The following NRG2 variants were observed in gnomAD, a reference collection of about 807,000 sequenced individuals.
The protein encoded by NRG2 is pro-neuregulin-2, membrane-bound isoform.
In NRG2, 27 loss-of-function variants were observed where a neutral mutation model predicts 73.9. The observed-to-expected ratio is 0.37, with a 90% CI of 0.27 to 0.50. NRG2 has a LOEUF of 0.50. NRG2 is among the 20% of genes least tolerant of loss of function. The probability of loss-of-function intolerance (pLI) is 0.96; values close to 1 mark genes in which losing one functional copy is unlikely to be tolerated. For synonymous variants in NRG2, 532 were observed against 541.0 expected (o/e 0.98, Z 0.23); for missense variants, 1,126 against 1,210.1 (o/e 0.93, Z 1.03).
chr5:139,915,912 T>C lies in NRG2; in HGVS notation c.701-28401A>G, dbSNP rs1038879042. Among the ~76,000 whole-genome samples the C allele has an allele frequency of 6.6e-6, 1 of 152,048 alleles. No individual in the cohort carries two copies. The highest frequency in any genetic ancestry group is 6.6e-5 in the Admixed American group (1 of 15,260). ...TGAATATTACATTTTGACTGACATGTAGGAAGTCATGGAGATAAGGCTAAA... is the reference window on the plus strand; with the variant it reads ...TGAATATTACATTTTGACTGACATGCAGGAAGTCATGGAGATAAGGCTAAA... On this transcript the variant is annotated intron_variant, in intron 1 of 9. Transcript: ENST00000361474. The surrounding 1 kb of genome is among the most constrained non-coding windows in gnomAD (Gnocchi z 4.0).
chr5:139,989,106 G>C (rs1285332690), intron 1 of NRG2, among the ~76,000 whole-genome samples: 2 of 152,002 alleles, frequency 1.3e-5, no homozygotes, highest in South Asian at 2.1e-4. Context: ...TGTACCATAA[G>C]AGCAGACTGT....
Position 140,043,233 on chromosome 5 carries a change from G to A in NRG2, c.-164C>T, listed in dbSNP as rs1762112931. ...CTAGGGCAGGGGGCAGGCGGCAAGC[G>A]GGCCGCGATGCGCAGCGCGGCGCAG... On this transcript the variant is annotated 5_prime_UTR_variant, in exon 1 of 10. Transcript: ENST00000361474. The surrounding 1 kb of genome is among the most constrained non-coding windows in gnomAD (Gnocchi z 6.7). 1 of 690,046 alleles carries A rather than the reference G, an allele frequency of 1.4e-6. No homozygotes were observed. The highest frequency in any genetic ancestry group is 2.3e-6 in the Non-Finnish European group (1 of 435,806). 42.7% of individuals were successfully genotyped at this position (690,046 alleles called of 1,614,324 possible).
At chr5:139,896,365 C>A (rs1391750175) in intron 1 of NRG2, among the ~76,000 whole-genome samples, 1 of 152,154 alleles carries the variant, frequency 6.6e-6, no homozygotes, top group Non-Finnish European at 1.5e-5. Flanking sequence ...CAGGAACAGG[C>A]TCATGTGCTC....
chr5:139,896,122 ACTGGCTT>A (rs150941483), intron 1 of NRG2, among the ~76,000 whole-genome samples: 3,270 of 152,252 alleles, frequency 0.021, 119 homozygotes, highest in African/African-American at 0.074. Context: ...TGCAGAAAAG[ACTGGCTT>A]CTCAAACTGG....
rs1047405132 is a variant in NRG2, at chr5:139,887,201, G to A, written c.872+139C>T. On this transcript the variant is annotated intron_variant, in intron 2 of 9. Coordinates refer to ENST00000361474, the MANE Select transcript of NRG2 (RefSeq NM_004883.3). The surrounding 1 kb of genome is among the most constrained non-coding windows in gnomAD (Gnocchi z 4.5). ...AGAAGGCTGGGAGTGGCAAGGAAGG[G>A]GAGTATGGAGAGGGGCTGGGACTGG... The A allele has an allele frequency of 1.0e-6, 1 of 964,610 alleles. No homozygotes were observed. The highest frequency in any genetic ancestry group is 2.4e-5 in the East Asian group (1 of 41,504). The allele number at this position is 964,610 out of a possible 1,614,324, so 59.8% of individuals were successfully genotyped here.
chr5:139,870,656 G>T lies in NRG2; in HGVS notation c.1112+1065C>A, dbSNP rs1762781343. Among the ~76,000 whole-genome samples the T allele has an allele frequency of 6.6e-6, 1 of 152,202 alleles. No homozygotes were observed. The highest frequency in any genetic ancestry group is 2.4e-5 in the African/African-American group (1 of 41,450). The stretch of plus-strand genomic sequence containing the variant: ...ATGCCATGGGAATGGGGCAGCTTTA[G>T]CAACTTGCCAGGGCTCTAGGCTTGG... On this transcript the variant is annotated intron_variant, in intron 4 of 9. Coordinates refer to ENST00000361474, the MANE Select transcript of NRG2 (RefSeq NM_004883.3). The surrounding 1 kb of genome is among the most constrained non-coding windows in gnomAD (Gnocchi z 4.4).
At position 140,026,622 on chromosome 5, in the gene NRG2, A is replaced by G. The variant is rs542326714; in HGVS notation, c.700+15748T>C. ...GTAAGATCTCTTCTCCAGAAAAAAA[A>G]GAAAAGAAAAGAAAAGAAAGAAAGA... On this transcript the variant is annotated intron_variant, in intron 1 of 9. Coordinates refer to ENST00000361474, the MANE Select transcript of NRG2 (RefSeq NM_004883.3). Among the ~76,000 whole-genome samples the G allele has an allele frequency of 3.9e-5, 6 of 152,242 alleles. No individual in the cohort carries two copies. The East Asian group carries it at 1.2e-3, about 29-fold the overall frequency.
intron 1 of NRG2, among the ~76,000 whole-genome samples, chr5:139,906,512 A>G (rs1466243364): frequency 6.6e-6 from 1 of 152,068 alleles, no homozygotes; most frequent in African/African-American, 2.4e-5. Flanking sequence ...CACATACTAT[A>G]CTAATCTCTC....
Position 140,042,691 on chromosome 5 carries a change from C to A in NRG2, c.379G>T (p.Ala127Ser), listed in dbSNP as rs866726781. Reference protein sequence around the residue: ...LKSVQDQAYKAPVVVEGKVQG... With the variant: ...LKSVQDQAYKSPVVVEGKVQG... ...ACCTTGCCCTCCACCACCACGGGTGCCTTGTACGCCTGGTCCTGCACTGAC... is the reference window on the plus strand; with the variant it reads ...ACCTTGCCCTCCACCACCACGGGTGACTTGTACGCCTGGTCCTGCACTGAC... Residue 127 changes from alanine to serine, a missense_variant, in exon 1 of 10, where the codon GCA becomes TCA. Transcript: ENST00000361474. The A allele has an allele frequency of 1.1e-5, 17 of 1,582,286 alleles. No homozygotes were observed. Among genetic ancestry groups the A allele is most frequent in the Middle Eastern group, 1.7e-4 (1 of 6,052 alleles).
chr5:139,972,662 C>T (rs953509542), intron 1 of NRG2, among the ~76,000 whole-genome samples: 3 of 152,082 alleles, frequency 2.0e-5, no homozygotes, highest in Middle Eastern at 3.2e-3. Context: ...AGGCAGAGGT[C>T]ACAGTGAGCC....
chr5:139,954,005 G>A lies in NRG2; in HGVS notation c.701-66494C>T, dbSNP rs1034024102. 6.6e-6 allele frequency among the ~76,000 whole-genome samples: 1 copy of A among 152,114 alleles called. No individual in the cohort carries two copies. The highest frequency in any genetic ancestry group is 1.9e-4 in the East Asian group (1 of 5,174). The stretch of plus-strand genomic sequence containing the variant: ...AACCCGAAGAGAACCTGAAAAAGTG[G>A]GCCAGAGTTGAGGGCAGGTAGCCTG... On this transcript the variant is annotated intron_variant, in intron 1 of 9. Coordinates refer to ENST00000361474, the MANE Select transcript of NRG2 (RefSeq NM_004883.3). This position sits in a 1 kb window ranked among gnomAD's most constrained non-coding sequence, Gnocchi z 5.0.
Position 140,018,891 on chromosome 5 carries a change from C to G in NRG2, c.700+23479G>C, listed in dbSNP as rs138864896. Among the ~76,000 whole-genome samples the G allele has an allele frequency of 1.6e-3, 242 of 152,296 alleles. 1 individual carries two copies. The highest frequency in any genetic ancestry group is 5.6e-3 in the African/African-American group (233 of 41,566). ...GCCAGTGTTTCTAACAAAAGCTCAT[C>G]CTCAAGGGAAAATCAGCAGAAAAGC... On this transcript the variant is annotated intron_variant, in intron 1 of 9. Transcript: ENST00000361474.
At chr5:140,031,561 T>C (rs59615734) in intron 1 of NRG2, among the ~76,000 whole-genome samples, 35,106 of 152,084 alleles carry the variant, frequency 0.23, 4,931 homozygotes, top group African/African-American at 0.39. Flanking sequence ...GGATGCAGCC[T>C]TGCTGTTTTC....
rs1761132018 is a variant in NRG2, at chr5:139,848,214, C to G, written c.2256G>C (p.Ala752=). The G allele has an allele frequency of 8.1e-7, 1 of 1,239,682 alleles. No individual in the cohort carries two copies. Among genetic ancestry groups the G allele is most frequent in the Non-Finnish European group, 1.0e-6 (1 of 994,028 alleles). 76.8% of individuals were successfully genotyped at this position (1,239,682 alleles called of 1,614,324 possible). Residue 752 remains alanine, a synonymous_variant, in exon 10 of 10, where the codon GCG becomes GCC. Coordinates refer to ENST00000361474, the MANE Select transcript of NRG2 (RefSeq NM_004883.3). ...RWRRSRLNGL[A]AQRARAARDS... is the part of the protein sequence containing the mutation. ...CCCTCGCCGCCCGTGCGCGCTGCGC[C>G]GCCAGCCCGTTGAGGCGCGAGCGGC...
At chr5:139,873,643 C>T (rs1013658208) in intron 3 of NRG2, among the ~76,000 whole-genome samples, 1 of 152,266 alleles carries the variant, frequency 6.6e-6, no homozygotes, top group African/African-American at 2.4e-5. Context: ...CCTGGGCCCT[C>T]CTGTGGGTGT....
intron 1 of NRG2, among the ~76,000 whole-genome samples, chr5:140,021,463 T>G (rs1452078342): frequency 6.6e-6 from 1 of 152,302 alleles, no homozygotes; most frequent in South Asian, 2.1e-4. Context: ...CTAAGGTGGG[T>G]ATGGAACACT....
rs931177824 is a variant in NRG2, at chr5:139,871,293, T to C, written c.1112+428A>G. On this transcript the variant is annotated intron_variant, in intron 4 of 9. Coordinates refer to ENST00000361474, the MANE Select transcript of NRG2 (RefSeq NM_004883.3). ...CCAGGCTCCTCGCTATTGGGGAAGATGCAGCCTGGGAAATGTTCATTAAGA... is the reference window on the plus strand; with the variant it reads ...CCAGGCTCCTCGCTATTGGGGAAGACGCAGCCTGGGAAATGTTCATTAAGA... The C allele has an allele frequency of 2.2e-4, 37 of 168,466 alleles. 1 individual carries two copies. Among genetic ancestry groups the C allele is most frequent in the Non-Finnish European group, 1.3e-5 (1 of 76,864 alleles). 10.4% of individuals were successfully genotyped at this position (168,466 alleles called of 1,614,324 possible).
intron 1 of NRG2, among the ~76,000 whole-genome samples, chr5:140,036,409 T>C (rs1219560405): frequency 2.0e-5 from 3 of 152,222 alleles, no homozygotes; most frequent in Non-Finnish European, 4.4e-5. Flanking sequence ...AATCGTCCTC[T>C]ATGTGTGCTT....
At chr5:139,880,362 G>A (rs569667404) in intron 3 of NRG2, among the ~76,000 whole-genome samples, 10 of 152,244 alleles carry the variant, frequency 6.6e-5, no homozygotes, top group Middle Eastern at 3.4e-3. Context: ...ATGGCCTGTC[G>A]GGGAGGAGTT....
Sources: gnomAD v4.1 joint callset for allele counts (sites outside exome capture counted in the v4.1 genomes callset) on GRCh38, gnomAD v4.1.1 for gene constraint, Gnocchi (gnomAD v3.1) non-coding constraint, MANE v1.5 for transcripts, NCBI Gene and HGNC (gene_info 2026-07-23, HGNC 2026-07-21) for gene names.